CDH18: variants seen among roughly 807,000 people sequenced by gnomAD.
CDH18 encodes cadherin 18.
CDH18 carries 31 observed loss-of-function variants against 67.9 expected under a neutral mutation model. That is an observed-to-expected ratio of 0.46 (90% CI 0.34 to 0.62). The LOEUF (loss-of-function observed/expected upper bound fraction) is 0.62, where lower values mean the gene tolerates loss of function less well. Among genes scored for constraint, CDH18 ranks in the 20% least tolerant of loss-of-function variants. The pLI, the probability that CDH18 is intolerant of heterozygous loss-of-function variation, is 0.01. For missense variants in CDH18, 890 were observed against 975.5 expected (o/e 0.91, Z 1.17); for synonymous variants, 362 against 347.2 (o/e 1.04, Z -0.48).
intron 1 of CDH18, among the ~76,000 whole-genome samples, chr5:20,274,098 G>A (rs1415321674): frequency 2.0e-5 from 3 of 152,104 alleles, no homozygotes; most frequent in African/African-American, 7.2e-5. Context: ...GGCAAGGATT[G>A]CTAGCAAAGT....
At chr5:20,111,317 T>C (rs1268884324) in intron 2 of CDH18, among the ~76,000 whole-genome samples, 1 of 152,048 alleles carries the variant, frequency 6.6e-6, no homozygotes, top group Admixed American at 6.6e-5. Context: ...AAAGGCTCAG[T>C]AGGGAGACAC....
chr5:20,225,980 A>G (rs1311846847), intron 2 of CDH18, among the ~76,000 whole-genome samples: 1 of 152,096 alleles, frequency 6.6e-6, no homozygotes. Context: ...GGACAGGACT[A>G]TGTTTGCAGG....
chr5:20,433,857 G>C (rs1340644395), intron 1 of CDH18, among the ~76,000 whole-genome samples: 1 of 152,062 alleles, frequency 6.6e-6, no homozygotes, highest in Non-Finnish European at 1.5e-5. Context: ...CACTCAGTAA[G>C]TCAAAATTAT....
At chr5:20,180,452 G>A (rs1378720265) in intron 2 of CDH18, among the ~76,000 whole-genome samples, 2 of 152,086 alleles carry the variant, frequency 1.3e-5, no homozygotes, top group Non-Finnish European at 2.9e-5. Flanking sequence ...CTAATCGTAG[G>A]TTATTGAAAG....
chr5:19,773,498 A>C (rs567130531), intron 3 of CDH18, among the ~76,000 whole-genome samples: 10 of 152,304 alleles, frequency 6.6e-5, no homozygotes, highest in African/African-American at 1.9e-4. Flanking sequence ...AGTGAATCCT[A>C]TTCAGGAGCA....
At chr5:19,482,994 C>CA (rs1739723978) in intron 12 of CDH18, among the ~76,000 whole-genome samples, 1 of 151,842 alleles carries the variant, frequency 6.6e-6, no homozygotes, top group African/African-American at 2.4e-5. Context: ...AGATTCTTGC[C>CA]AAAAATTTTT....
At chr5:19,490,669 T>A (rs977317778) in intron 11 of CDH18, among the ~76,000 whole-genome samples, 1 of 152,006 alleles carries the variant, frequency 6.6e-6, no homozygotes, top group African/African-American at 2.4e-5. Context: ...CACCTCAGCC[T>A]CCCAAAGTGC....
In CDH18 at chr5:19,997,743, T is replaced by A. The variant is rs74390454; in HGVS notation, c.-517-5729A>T. ...ACAATGGTAAGCTATAGCCTATACC[T>A]CAAGAAGCTTATAATACAGTGGAGG... On this transcript the variant is annotated intron_variant, in intron 2 of 14. Coordinates refer to the CDH18 transcript ENST00000507958. Among the ~76,000 whole-genome samples the A allele has an allele frequency of 0.018, 2,727 of 152,232 alleles. 174 individuals carry two copies. In the East Asian group the frequency reaches 0.25, roughly 14 times the overall value.
chr5:20,075,871 T>C (rs940208960), intron 2 of CDH18, among the ~76,000 whole-genome samples: 5 of 152,056 alleles, frequency 3.3e-5, no homozygotes, highest in African/African-American at 1.2e-4. Context: ...CAGATAAAAA[T>C]AATTGAGTAT....
rs578099474 is a variant in CDH18, at chr5:19,798,530, G to A, written c.228+40229C>T. 3.0e-4 allele frequency among the ~76,000 whole-genome samples: 46 copies of A among 151,970 alleles called. No individual in the cohort carries two copies. In the South Asian group the frequency reaches 6.6e-3, roughly 22 times the overall value. On this transcript the variant is annotated intron_variant, in intron 3 of 12. Coordinates refer to ENST00000382275, the MANE Select transcript of CDH18 (RefSeq NM_004934.5). Reference sequence around the variant, plus strand: ...GTAGTGGGGTGTGTGGGGTATGAATGAAATGAGGCTCTGCTTTCTAGCAAA... The same window carrying A: ...GTAGTGGGGTGTGTGGGGTATGAATAAAATGAGGCTCTGCTTTCTAGCAAA...
At chr5:20,265,635 T>C (rs1744976056) in intron 1 of CDH18, among the ~76,000 whole-genome samples, 1 of 152,116 alleles carries the variant, frequency 6.6e-6, no homozygotes, top group South Asian at 2.1e-4. Flanking sequence ...GGGTGTACCA[T>C]TCTGATATAC....
At chr5:20,201,024 T>C (rs1739406160) in intron 2 of CDH18, among the ~76,000 whole-genome samples, 1 of 152,118 alleles carries the variant, frequency 6.6e-6, no homozygotes, top group Non-Finnish European at 1.5e-5. Flanking sequence ...CACAGAGTGA[T>C]TTAAAACAAC....
At chr5:20,446,505 G>C (rs569427428) in intron 1 of CDH18, among the ~76,000 whole-genome samples, 2 of 152,242 alleles carry the variant, frequency 1.3e-5, no homozygotes, top group South Asian at 4.1e-4. Flanking sequence ...AGTGTCAGCA[G>C]TCACCAAGAA....
chr5:20,158,158 T>A (rs928194278), intron 2 of CDH18, among the ~76,000 whole-genome samples: 4 of 152,196 alleles, frequency 2.6e-5, no homozygotes, highest in African/African-American at 9.6e-5. Context: ...TCTTAAATAA[T>A]TTTAATATTC....
At chr5:20,200,086 T>C (rs1290283613) in intron 2 of CDH18, among the ~76,000 whole-genome samples, 1 of 152,232 alleles carries the variant, frequency 6.6e-6, no homozygotes, top group African/African-American at 2.4e-5. Flanking sequence ...AACACTGTGT[T>C]CTAACAAAAA....
intron 4 of CDH18, among the ~76,000 whole-genome samples, chr5:19,735,159 T>C (rs1291400176): frequency 6.6e-6 from 1 of 152,128 alleles, no homozygotes; most frequent in Admixed American, 6.5e-5. Flanking sequence ...GACAGAAAGT[T>C]AAACATGGTG....
chr5:20,432,071 G>A (rs1748789247), intron 1 of CDH18, among the ~76,000 whole-genome samples: 1 of 152,078 alleles, frequency 6.6e-6, no homozygotes. Flanking sequence ...CAGATTATCT[G>A]AAAACTAGAC....
chr5:19,750,399 C>CA (rs1340725109), intron 3 of CDH18, among the ~76,000 whole-genome samples: 1 of 151,566 alleles, frequency 6.6e-6, no homozygotes, highest in Non-Finnish European at 1.5e-5. Context: ...TTTTGTAAGC[C>CA]AAAAAATGAT....
intron 2 of CDH18, among the ~76,000 whole-genome samples, chr5:19,873,687 G>T (rs547106274): frequency 1.3e-5 from 2 of 151,324 alleles, no homozygotes; most frequent in Admixed American, 6.6e-5. Context: ...TTGCTTTGTC[G>T]CCCAGGCTGG....
Sources: allele counts gnomAD v4.1 joint callset (sites outside exome capture counted in the v4.1 genomes callset), GRCh38; gene constraint gnomAD v4.1.1; transcripts MANE v1.5; gene names NCBI Gene and HGNC (gene_info 2026-07-23, HGNC 2026-07-21).